PROCA1: variants seen among roughly 807,000 people sequenced by gnomAD.
The protein encoded by PROCA1 is protein interacting with cyclin A1.
Under a neutral mutation model 23.2 loss-of-function variants are expected in PROCA1, and 22 were observed. The ratio of observed to expected loss-of-function variants is 0.95; its 90% CI spans 0.68 to 1.35. The LOEUF (loss-of-function observed/expected upper bound fraction) is 1.35. Among genes scored for constraint, PROCA1 ranks in the 40% most tolerant of loss-of-function variants. The probability of loss-of-function intolerance (pLI) is 0.00; values close to 1 mark genes in which losing one functional copy is unlikely to be tolerated. For synonymous variants in PROCA1, 182 were observed against 179.2 expected, an observed-to-expected ratio of 1.02 and a Z score of -0.12; for missense variants, 469 against 459.8, an observed-to-expected ratio of 1.02 and a Z score of -0.18.
Position 28,711,788 on chromosome 17 carries a change from C to A in PROCA1, c.-128G>T. On this transcript the variant is annotated 5_prime_UTR_variant, in exon 1 of 5. Coordinates refer to ENST00000682792, the MANE Select transcript of PROCA1 (RefSeq NM_001366301.1). ...GGCTTCGCCCCCGCCTAGCCCCTAA[C>A]CCCGCCTCATGCTGGCGCAGCCCCC... 2.8e-6 allele frequency: 2 copies of A among 726,624 alleles called. No individual in the cohort carries two copies. The highest frequency in any genetic ancestry group is 4.2e-6 in the Non-Finnish European group (2 of 476,276). 45.0% of individuals were successfully genotyped at this position (726,624 alleles called of 1,614,324 possible).
intron 1 of PROCA1, chr17:28,710,836 T>C (rs2032745003): frequency 7.7e-7 from 1 of 1,304,082 alleles, no homozygotes; most frequent in Non-Finnish European, 1.0e-6. Flanking sequence ...CCGTGAGGCG[T>C]TAATCGGCGC....
In PROCA1 at chr17:28,703,925, TC is replaced by T; in HGVS notation, c.727del (p.Glu243ArgfsTer13). On this transcript the variant is annotated frameshift_variant, in exon 5 of 5. Coordinates refer to ENST00000682792, the MANE Select transcript of PROCA1 (RefSeq NM_001366301.1). LOFTEE classifies it high-confidence loss of function. Reference protein sequence around the residue: ...IKKVKKKKEKEKDKEEMDEKA... With the variant: ...IKKVKKKKEKXKDKEEMDEKA... Reference sequence around the variant, plus strand: ...CTCATCCATCTCCTCCTTGTCTTTCTCTTTTTCCTTTTTCTTCTTTACCTTC... The same window carrying T: ...CTCATCCATCTCCTCCTTGTCTTTCTTTTTTCCTTTTTCTTCTTTACCTTC... The T allele has an allele frequency of 1.9e-6, 3 of 1,613,758 alleles. No homozygotes were observed. Among genetic ancestry groups the T allele is most frequent in the Non-Finnish European group, 2.5e-6 (3 of 1,179,918 alleles).
rs1418534400 is a variant in PROCA1 at position 28,711,656 on chromosome 17, C to T, written c.5G>A (p.Trp2Ter). The change falls in exon 1 of 5, where the codon TGG (tryptophan) becomes TAG (stop). Residue 2 changes from tryptophan to a stop codon, truncating the protein, a stop_gained. Transcript: ENST00000682792. LOFTEE classifies it high-confidence loss of function. M[W>*]VRTTLTIERW... ...TTCAATTGTGAGCGTCGTCCTGACC[C>T]ACATCGCTCTCCGCCCAGGTCTTCG... is the stretch of plus-strand genomic sequence containing the variant. 8 of 1,612,328 alleles carry T rather than the reference C, an allele frequency of 5.0e-6. No homozygotes were observed. Among genetic ancestry groups the T allele is most frequent in the Admixed American group, 1.7e-5 (1 of 59,912 alleles).
In PROCA1 at chr17:28,704,294, G is replaced by A. The variant is rs777084601; in HGVS notation, c.440+13C>T. On this transcript the variant is annotated intron_variant, in intron 4 of 4. Coordinates refer to ENST00000682792, the MANE Select transcript of PROCA1 (RefSeq NM_001366301.1). Reference sequence around the variant, plus strand: ...GAGGCCCCTTCCCCATCAGCCCACCGGGGCTCACTCACCAGCCATACCGGA... The same window carrying A: ...GAGGCCCCTTCCCCATCAGCCCACCAGGGCTCACTCACCAGCCATACCGGA... The A allele has an allele frequency of 8.1e-5, 130 of 1,607,600 alleles. No homozygotes were observed. The highest frequency in any genetic ancestry group is 8.4e-5 in the Admixed American group (5 of 59,478).
rs1364755895 is a variant in PROCA1, at chr17:28,706,736, C to G, written c.119G>C (p.Arg40Thr). 1 of 1,303,836 alleles carries G rather than the reference C, an allele frequency of 7.7e-7. No homozygotes were observed. Among genetic ancestry groups the G allele is most frequent in the Non-Finnish European group, 1.0e-6 (1 of 988,888 alleles). The allele number at this position is 1,303,836 out of a possible 1,614,324, so 80.8% of individuals were successfully genotyped here. The change falls in exon 2 of 5, where the codon AGA (arginine) becomes ACA (threonine). Residue 40 changes from arginine (R) to threonine (T), a missense_variant. By Grantham distance (71) the Arg-to-Thr change is moderately conservative (BLOSUM62 -1). Transcript: ENST00000682792. ...RDVNRLPSWE[R>T]GHLLAGVASS... The stretch of plus-strand genomic sequence containing the variant: ...CGCCACACCAGCCAGCAGATGTCCT[C>G]TCTCCCAGCTGGGTAACCTGTTTAC...
rs934230814 is a variant in PROCA1 at position 28,711,596 on chromosome 17, C to T, written c.65G>A (p.Arg22His). The T allele has an allele frequency of 1.2e-6, 2 of 1,611,452 alleles. No individual in the cohort carries two copies. Among genetic ancestry groups the T allele is most frequent in the African/African-American group, 1.3e-5 (1 of 74,676 alleles). ...GCGGCATCTGCTCTCATCCCACGAG[C>T]GGGCCTTGGGCTCGGTCTTTTCCTT... The part of the protein sequence containing the change: ...WTKEKTEPKA[R>H]SWDESRCRDV... The change falls in exon 1 of 5, where the codon CGC becomes CAC. Residue 22 changes from arginine to histidine, a missense_variant. Arg to His is a conservative substitution (Grantham distance 29). Transcript: ENST00000682792.
At chr17:28,710,756 C>T (rs2032740276) in intron 1 of PROCA1, 2 of 1,299,114 alleles carry the variant, frequency 1.5e-6, no homozygotes, top group Non-Finnish European at 2.0e-6. Flanking sequence ...GCAGGAGTGA[C>T]TGACAACACA....
chr17:28,703,842 C>A lies in PROCA1; in HGVS notation c.811G>T (p.Val271Phe). ...TCTGGCGGGGAAGGCTCCAATTTAA[C>A]CGGGCTTTTCTTCTTAGTCAACTGG... ...KGQLTKKKSP[V>F]KLEPSPPDVS... Residue 271 changes from valine to phenylalanine, a missense_variant, in exon 5 of 5, where the codon GTT (valine) becomes TTT (phenylalanine). Physicochemically the swap from Val to Phe is conservative, Grantham distance 50 (BLOSUM62 -1). Transcript: ENST00000682792. 1 of 1,614,166 alleles carries A rather than the reference C, an allele frequency of 6.2e-7. No individual in the cohort carries two copies. Among genetic ancestry groups the A allele is most frequent in the Non-Finnish European group, 8.5e-7 (1 of 1,180,042 alleles).
intron 1 of PROCA1, among the ~76,000 whole-genome samples, chr17:28,710,529 A>AAAAAG (rs1555553420): frequency 2.1e-5 from 3 of 142,130 alleles, no homozygotes; most frequent in Non-Finnish European, 4.6e-5. Context: ...AAAAAAAAAA[A>AAAAAG]GCACACATGC....
At chr17:28,706,832 C>T in intron 1 of PROCA1, 69 bp from the exon 2 acceptor site, 1 of 1,290,856 alleles carries the variant, frequency 7.7e-7, no homozygotes, top group Non-Finnish European at 1.0e-6. Flanking sequence ...CCAAACATAC[C>T]CCGAGAAACT....
chr17:28,708,229 C>T (rs1263232209), intron 1 of PROCA1, among the ~76,000 whole-genome samples: 1 of 152,150 alleles, frequency 6.6e-6, no homozygotes, highest in Non-Finnish European at 1.5e-5. Context: ...AGGCTGGTCT[C>T]GAACTCCTGA....
At position 28,704,595 on chromosome 17, in the gene PROCA1, GGC is replaced by G. The variant is rs575753387; in HGVS notation, c.311+111_311+112del. ...AGCAAGGTGTGCAGAGCTGGGACTG[GGC>G]TGGCAGCACCAATTCAAAGCTGAAG... On this transcript the variant is annotated intron_variant, in intron 3 of 4. Transcript: ENST00000682792. 329 of 1,566,636 alleles carry G rather than the reference GGC, an allele frequency of 2.1e-4. 1 individual carries two copies. The South Asian group carries it at 3.9e-3, about 18-fold the overall frequency.
At chr17:28,709,334 C>G (rs2032671769) in intron 1 of PROCA1, among the ~76,000 whole-genome samples, 2 of 151,852 alleles carry the variant, frequency 1.3e-5, no homozygotes, top group African/African-American at 2.4e-5. Flanking sequence ...TGGCTCACTG[C>G]AAGCTCCGCC....
At chr17:28,710,903 T>C in intron 1 of PROCA1, 1 of 1,301,338 alleles carries the variant, frequency 7.7e-7, no homozygotes, top group Non-Finnish European at 1.0e-6. Context: ...ATCCTCCCCG[T>C]CCTGCGGGGC....
chr17:28,707,123 G>A (rs1468369803), intron 1 of PROCA1: 1 of 261,614 alleles, frequency 3.8e-6, no homozygotes, highest in African/African-American at 2.2e-5. Context: ...ATGAATAGGA[G>A]CCAGCCAGGG....
chr17:28,706,578 C>T (rs2032483988), intron 2 of PROCA1, 102 bp downstream of exon 2: 2 of 817,964 alleles, frequency 2.4e-6, no homozygotes, highest in Non-Finnish European at 3.6e-6. Context: ...CAGGACCACA[C>T]TTCCCTCCCT....
chr17:28,711,455 C>G, intron 1 of PROCA1, 115 bp downstream of exon 1: 2 of 870,850 alleles, frequency 2.3e-6, no homozygotes, highest in East Asian at 5.8e-5. Flanking sequence ...TGGGCCCCGC[C>G]TCTCTCGTTG....
Position 28,704,715 on chromosome 17 carries a change from T to TA in PROCA1, c.303dup (p.Asn102Ter). ...AAGGGGGCGGGCCCTCACCTAGAATTACAGTTGCAGTGGTTGACAGAGTGT... is the reference window on the plus strand; with the variant it reads ...AAGGGGGCGGGCCCTCACCTAGAATTAACAGTTGCAGTGGTTGACAGAGTGT... On this transcript the variant is annotated frameshift_variant, in exon 3 of 5. Coordinates refer to ENST00000682792, the MANE Select transcript of PROCA1 (RefSeq NM_001366301.1). LOFTEE classifies it high-confidence loss of function. The TA allele has an allele frequency of 1.2e-6, 2 of 1,614,052 alleles. No homozygotes were observed. Among genetic ancestry groups the TA allele is most frequent in the Non-Finnish European group, 1.7e-6 (2 of 1,179,954 alleles).
chr17:28,704,755 GC>G lies in PROCA1; in HGVS notation c.263del (p.Arg88ProfsTer18). ...IIYPFASDCV[R>X]HSLHLHSVNH... ...TGACAGAGTGTAGGTGCAGGCTGTG[GC>G]GGACACAGTCAGAGGCGAAAGGGTA... On this transcript the variant is annotated frameshift_variant, in exon 3 of 5. Transcript: ENST00000682792. LOFTEE classifies it high-confidence loss of function. 1 of 1,614,104 alleles carries G rather than the reference GC, an allele frequency of 6.2e-7. No individual in the cohort carries two copies. The highest frequency in any genetic ancestry group is 8.5e-7 in the Non-Finnish European group (1 of 1,179,982).
Sources: gnomAD v4.1 joint callset for allele counts (sites outside exome capture counted in the v4.1 genomes callset) on GRCh38, gnomAD v4.1.1 for gene constraint, MANE v1.5 for transcripts, NCBI Gene and HGNC (gene_info 2026-07-23, HGNC 2026-07-21) for gene names.